Variants in PUM2 observed in about 807,000 individuals in gnomAD.
The protein encoded by PUM2 is pumilio RNA binding family member 2.
PUM2 carries 57 observed loss-of-function variants against 124.5 expected under a neutral mutation model. The ratio of observed to expected loss-of-function variants is 0.46; its 90% CI spans 0.37 to 0.57. PUM2 has a LOEUF of 0.57. Ranked by LOEUF, PUM2 falls within the 20% of genes least tolerant of loss-of-function variation. PUM2 has a pLI of 0.00. For synonymous variants in PUM2, 460 were observed against 446.1 expected (o/e 1.03, Z -0.39); for missense variants, 1,065 against 1,290.6 (o/e 0.83, Z 2.68).
intron 8 of PUM2, among the ~76,000 whole-genome samples, chr2:20,295,469 T>G (rs1675288740): frequency 6.6e-6 from 1 of 152,128 alleles, no homozygotes; most frequent in Non-Finnish European, 1.5e-5. Flanking sequence ...CTTTTATTTC[T>G]ACAGATAGCC....
In PUM2 at chr2:20,318,640, C is replaced by A. The variant is rs1333513967; in HGVS notation, c.57G>T (p.Leu19Phe). The change falls in exon 3 of 21, where the codon TTG becomes TTT. Residue 19 changes from leucine (L) to phenylalanine (F), a missense_variant. By Grantham distance (22) the Leu-to-Phe change is conservative (BLOSUM62 0). Transcript: ENST00000361078. The part of the protein sequence containing the change: ...ALESRGMGEL[L>F]PTKKFWEPDD... ...CAGGTTCCCAAAACTTTTTGGTAGG[C>A]AAAAGCTATTTGGAGGAAAAATTAC... is the stretch of plus-strand genomic sequence containing the variant. 2 of 1,609,956 alleles carry A rather than the reference C, an allele frequency of 1.2e-6. No homozygotes were observed. Among genetic ancestry groups the A allele is most frequent in the South Asian group, 1.1e-5 (1 of 90,606 alleles).
intron 3 of PUM2, among the ~76,000 whole-genome samples, chr2:20,312,799 C>A (rs35166262): frequency 3.3e-5 from 5 of 152,146 alleles, no homozygotes; most frequent in Admixed American, 1.3e-4. Flanking sequence ...GGAGACATCA[C>A]GCTACTTGAT....
Position 20,335,471 on chromosome 2 carries a change from T to C in PUM2, c.-18-8093A>G, listed in dbSNP as rs755627342. On this transcript the variant is annotated intron_variant, in intron 1 of 20. Transcript: ENST00000361078. ...TAAAGATTTAACAAAGTTTCTACTATTCAAACCAACTCTTGGTAATTTCTT... is the reference window on the plus strand; with the variant it reads ...TAAAGATTTAACAAAGTTTCTACTACTCAAACCAACTCTTGGTAATTTCTT... Among the ~76,000 whole-genome samples the C allele has an allele frequency of 5.3e-5, 8 of 152,334 alleles. No individual in the cohort carries two copies. The East Asian group carries it at 9.6e-4, about 18-fold the overall frequency.
rs1330332605 is a variant in PUM2 at position 20,297,454 on chromosome 2, G to A, written c.1009+99C>T. On this transcript the variant is annotated intron_variant, in intron 8 of 20. Coordinates refer to ENST00000361078, the MANE Select transcript of PUM2 (RefSeq NM_015317.5). ...CTGGATAATGTTTCAGTTTTTCTTA[G>A]GAATTTCAAATTGCCCAAATAGAGA... 2.6e-6 allele frequency: 3 copies of A among 1,160,548 alleles called. No homozygotes were observed. In the African/African-American group the frequency reaches 4.7e-5, roughly 18 times the overall value. 71.9% of individuals were successfully genotyped at this position (1,160,548 alleles called of 1,614,324 possible). A position where few individuals can be genotyped will look rare whatever the true frequency, so the allele number is the denominator to read the frequency against.
chr2:20,307,951 T>A, intron 7 of PUM2, 27 bp downstream of exon 7: 3 of 1,591,912 alleles, frequency 1.9e-6, no homozygotes, highest in Non-Finnish European at 2.6e-6. Context: ...AAGACTTTGG[T>A]CAAAATGAGA....
rs1340407655 is a variant in PUM2, at chr2:20,255,203, A to T, written c.2748+13T>A. The T allele has an allele frequency of 6.4e-7, 1 of 1,572,760 alleles. No homozygotes were observed. The highest frequency in any genetic ancestry group is 8.7e-7 in the Non-Finnish European group (1 of 1,154,942). On this transcript the variant is annotated intron_variant, in intron 18 of 20. Transcript: ENST00000361078. ...AAATATATAAACATTTCAAATTATTAGGGAATTTATACCTGTACCAACTGC... is the reference window on the plus strand; with the variant it reads ...AAATATATAAACATTTCAAATTATTTGGGAATTTATACCTGTACCAACTGC...
chr2:20,318,184 C>T (rs888779283), intron 3 of PUM2, among the ~76,000 whole-genome samples: 1 of 152,128 alleles, frequency 6.6e-6, no homozygotes, highest in African/African-American at 2.4e-5. Flanking sequence ...TTCACCACAA[C>T]CTCACCAGCA....
At chr2:20,253,176 T>C (rs933182941) in intron 20 of PUM2, among the ~76,000 whole-genome samples, 2 of 152,152 alleles carry the variant, frequency 1.3e-5, no homozygotes, top group Non-Finnish European at 2.9e-5. Flanking sequence ...AGATGAGAAA[T>C]GAATATGATT....
chr2:20,260,202 A>G (rs918396036), intron 15 of PUM2, 135 bp downstream of exon 15: 1 of 988,822 alleles, frequency 1.0e-6, no homozygotes, highest in Non-Finnish European at 1.4e-6. Flanking sequence ...CGCATATATA[A>G]TTTGTAAATA....
intron 1 of PUM2, 99 bp from the exon 2 acceptor site, chr2:20,327,477 T>G: frequency 1.4e-6 from 1 of 727,564 alleles, no homozygotes; most frequent in Non-Finnish European, 2.2e-6. Flanking sequence ...AATATTAGCA[T>G]GATCTGAGAA....
Position 20,278,435 on chromosome 2 carries a change from G to A in PUM2, c.1957+148C>T, listed in dbSNP as rs564107714. 20 of 671,972 alleles carry A rather than the reference G, an allele frequency of 3.0e-5. No homozygotes were observed. The East Asian group carries it at 5.0e-4, about 17-fold the overall frequency. The allele number at this position is 671,972 out of a possible 1,614,324, so 41.6% of individuals were successfully genotyped here. ...CTCACTTTGAATTTTCAGGAAAGTA[G>A]AACTTTTTCAAAAGACTAATATCTA... On this transcript the variant is annotated intron_variant, in intron 13 of 20. Coordinates refer to ENST00000361078, the MANE Select transcript of PUM2 (RefSeq NM_015317.5).
intron 12 of PUM2, among the ~76,000 whole-genome samples, chr2:20,279,967 A>T (rs1671118607): frequency 6.6e-6 from 1 of 152,182 alleles, no homozygotes. Context: ...ATACATTTTT[A>T]AATGACAAGC....
chr2:20,260,249 A>C (rs987381125), intron 15 of PUM2, 88 bp downstream of exon 15: 3 of 1,330,092 alleles, frequency 2.3e-6, no homozygotes, highest in African/African-American at 3.0e-5. Context: ...TTATATGAAA[A>C]TGACTTTACC....
intron 20 of PUM2, among the ~76,000 whole-genome samples, chr2:20,253,349 G>A (rs772670076): frequency 1.2e-4 from 18 of 152,096 alleles, no homozygotes; most frequent in Non-Finnish European, 2.2e-4. Context: ...GGGACCACAG[G>A]CATGTATCGT....
In PUM2 at chr2:20,332,463, T is replaced by A. The variant is rs373196646; in HGVS notation, c.-18-5085A>T. ...ACAACTTAAGCTCAGCTTTTCAGTT[T>A]AGGGTGTTACTGTTTATTTCAATTA... is the stretch of plus-strand genomic sequence containing the variant. On this transcript the variant is annotated intron_variant, in intron 1 of 20. Coordinates refer to ENST00000361078, the MANE Select transcript of PUM2 (RefSeq NM_015317.5). 8.0e-5 allele frequency among the ~76,000 whole-genome samples: 12 copies of A among 150,902 alleles called. No homozygotes were observed. In the South Asian group the frequency reaches 1.0e-3, roughly 13 times the overall value.
chr2:20,330,022 C>T lies in PUM2; in HGVS notation c.-18-2644G>A, dbSNP rs538069635. On this transcript the variant is annotated intron_variant, in intron 1 of 20. Transcript: ENST00000361078. Reference sequence around the variant, plus strand: ...GATAAATAAGAAAAAAAAAATTCCACACTTACAGTCATTATAAAAACCCTG... The same window carrying T: ...GATAAATAAGAAAAAAAAAATTCCATACTTACAGTCATTATAAAAACCCTG... Among the ~76,000 whole-genome samples, 8 of 151,924 alleles carry T rather than the reference C, an allele frequency of 5.3e-5. No homozygotes were observed. The South Asian group carries it at 1.7e-3, about 32-fold the overall frequency.
At chr2:20,339,806 A>G (rs2149052613) in intron 1 of PUM2, among the ~76,000 whole-genome samples, 1 of 152,306 alleles carries the variant, frequency 6.6e-6, no homozygotes, top group Admixed American at 6.5e-5. Context: ...CTTGAACCTG[A>G]AAGGCGGAGG....
rs745459561 is a variant in PUM2, at chr2:20,277,324, C to T, written c.1957+1259G>A. Among the ~76,000 whole-genome samples, 12 of 152,018 alleles carry T rather than the reference C, an allele frequency of 7.9e-5. No homozygotes were observed. In the South Asian group the frequency reaches 1.2e-3, roughly 16 times the overall value. ...GAAATCAGGAGCTGAGCAGCTCCTG[C>T]GACTAAGAATACATGATAAATGAAG... On this transcript the variant is annotated intron_variant, in intron 13 of 20. Coordinates refer to ENST00000361078, the MANE Select transcript of PUM2 (RefSeq NM_015317.5).
intron 8 of PUM2, among the ~76,000 whole-genome samples, chr2:20,295,689 A>G (rs571094683): frequency 1.3e-5 from 2 of 152,336 alleles, no homozygotes; most frequent in South Asian, 2.1e-4. Context: ...TATAAAAAAT[A>G]TAAGTTTTGT....
Sources: gnomAD v4.1 joint callset for allele counts (sites outside exome capture counted in the v4.1 genomes callset) on GRCh38, gnomAD v4.1.1 for gene constraint, MANE v1.5 for transcripts, NCBI Gene and HGNC (gene_info 2026-07-23, HGNC 2026-07-21) for gene names.